Variants in ATP6V0A4 observed in about 807,000 individuals in gnomAD.
ATP6V0A4 encodes the protein ATPase H+ transporting V0 subunit a4.
Under a neutral mutation model 107.3 loss-of-function variants are expected in ATP6V0A4, and 86 were observed. The ratio of observed to expected loss-of-function variants is 0.80; its 90% confidence interval spans 0.67 to 0.96. ATP6V0A4 has a LOEUF of 0.96. Ranked by LOEUF, ATP6V0A4 falls within the 40% of genes least tolerant of loss-of-function variation. The pLI is 0.00. For synonymous variants in ATP6V0A4, 353 were observed against 381.4 expected (o/e 0.93, Z 0.87); for missense variants, 908 against 1,045.6 (o/e 0.87, Z 1.81).
In ATP6V0A4 at chr7:138,769,231, G is replaced by A; in HGVS notation, c.138C>T (p.Ser46=). ...QFKDLNMNVN[S]FQRKFVNEVR... Reference sequence around the variant, plus strand: ...CTTCATTCACAAATTTCCTTTGAAAGCTGTTCACATTCATATTTAACTATG... The same window carrying A: ...CTTCATTCACAAATTTCCTTTGAAAACTGTTCACATTCATATTTAACTATG... The change falls in exon 4 of 22, where the codon AGC becomes AGT. Residue 46 remains serine (S), a synonymous_variant. Transcript: ENST00000310018. The A allele has an allele frequency of 2.5e-6, 4 of 1,611,906 alleles. No homozygotes were observed. Among genetic ancestry groups the A allele is most frequent in the Non-Finnish European group, 2.5e-6 (3 of 1,179,876 alleles).
intron 20 of ATP6V0A4, among the ~76,000 whole-genome samples, chr7:138,713,208 G>C (rs2117186555): frequency 6.6e-6 from 1 of 150,678 alleles, no homozygotes; most frequent in Middle Eastern, 3.4e-3. Flanking sequence ...AGGAGGCTGA[G>C]GCAGAAGAAT....
intron 19 of ATP6V0A4, among the ~76,000 whole-genome samples, chr7:138,718,312 G>A (rs1804208498): frequency 1.1e-5 from 1 of 88,238 alleles, no homozygotes; most frequent in Non-Finnish European, 2.2e-5. Context: ...GTGTGTGTGT[G>A]TGTGTGTGCA....
chr7:138,794,659 T>TA lies in ATP6V0A4; in HGVS notation c.-121+3374dup, dbSNP rs919605980. Among the ~76,000 whole-genome samples the TA allele has an allele frequency of 1.6e-3, 230 of 144,294 alleles. 1 individual carries two copies. The highest frequency in any genetic ancestry group is 7.1e-3 in the Middle Eastern group (2 of 280). 94.7% of individuals were successfully genotyped at this position (144,294 alleles called of 152,430 possible). Reference sequence around the variant, plus strand: ...TAACCAAATACCTATCTCACCCATTTAAAAAAAAAAAAAGTCTTGAGAAAG... The same window carrying TA: ...TAACCAAATACCTATCTCACCCATTTAAAAAAAAAAAAAAGTCTTGAGAAAG... On this transcript the variant is annotated intron_variant, in intron 1 of 21. Coordinates refer to ENST00000310018, the MANE Select transcript of ATP6V0A4 (RefSeq NM_020632.3).
At chr7:138,790,260 T>C (rs1386157662) in intron 1 of ATP6V0A4, among the ~76,000 whole-genome samples, 2 of 152,164 alleles carry the variant, frequency 1.3e-5, no homozygotes, top group Non-Finnish European at 2.9e-5. Context: ...TCCCAAGTGA[T>C]TAAATGGTAC....
intron 1 of ATP6V0A4, among the ~76,000 whole-genome samples, chr7:138,794,818 C>T (rs1399405326): frequency 6.6e-6 from 1 of 151,960 alleles, no homozygotes; most frequent in South Asian, 2.1e-4. Flanking sequence ...TGGTGACACT[C>T]GTAAAGTAAA....
chr7:138,718,348 G>A (rs1382724968), intron 19 of ATP6V0A4, among the ~76,000 whole-genome samples: 3 of 101,880 alleles, frequency 2.9e-5, no homozygotes, highest in Non-Finnish European at 4.0e-5. Context: ...GGAGGGAGAC[G>A]TCCAGGAAGG....
At chr7:138,720,728 C>T (rs1804386392) in intron 19 of ATP6V0A4, among the ~76,000 whole-genome samples, 1 of 152,030 alleles carries the variant, frequency 6.6e-6, no homozygotes, top group African/African-American at 2.4e-5. Context: ...CCTCTGCCTC[C>T]CAGGTTCAAG....
intron 19 of ATP6V0A4, among the ~76,000 whole-genome samples, chr7:138,719,868 C>A (rs1014424379): frequency 6.6e-6 from 1 of 151,868 alleles, no homozygotes; most frequent in Non-Finnish European, 1.5e-5. Flanking sequence ...AAAATACACA[C>A]AAAAAAATTA....
chr7:138,756,099 C>T, intron 9 of ATP6V0A4: 1 of 519,980 alleles, frequency 1.9e-6, no homozygotes, highest in East Asian at 3.8e-5. Flanking sequence ...TTAATATCCT[C>T]TGCACTGAGT....
At chr7:138,784,269 T>TATATATACATATATATATAC (rs1563020963) in intron 2 of ATP6V0A4, among the ~76,000 whole-genome samples, 2 of 31,292 alleles carry the variant, frequency 6.4e-5, no homozygotes, top group African/African-American at 2.3e-4. Context: ...TATATATACA[T>TATATATACATATATATATAC]ATATATATAT....
intron 2 of ATP6V0A4, among the ~76,000 whole-genome samples, chr7:138,783,363 G>A (rs991773386): frequency 2.6e-5 from 4 of 151,944 alleles, no homozygotes; most frequent in African/African-American, 9.7e-5. Flanking sequence ...TTGAGGCCAG[G>A]AGATCAAGAC....
intron 20 of ATP6V0A4, among the ~76,000 whole-genome samples, chr7:138,711,282 C>G (rs1803730018): frequency 6.6e-6 from 1 of 152,158 alleles, no homozygotes; most frequent in South Asian, 2.1e-4. Context: ...GGACTCGTAG[C>G]TGAGCCCGTG....
chr7:138,722,188 G>T, intron 18 of ATP6V0A4, 163 bp from the exon 19 acceptor site: 2 of 704,340 alleles, frequency 2.8e-6, no homozygotes, highest in Non-Finnish European at 3.5e-6. Context: ...TTTTATATAA[G>T]CACAATTATC....
intron 14 of ATP6V0A4, among the ~76,000 whole-genome samples, chr7:138,742,952 C>T (rs1196947410): frequency 1.4e-5 from 2 of 143,948 alleles, no homozygotes; most frequent in African/African-American, 2.6e-5. Context: ...TTCCAGAAAA[C>T]GTTTTATCCT....
chr7:138,721,152 G>A (rs1804403323), intron 19 of ATP6V0A4, among the ~76,000 whole-genome samples: 1 of 152,134 alleles, frequency 6.6e-6, no homozygotes, highest in South Asian at 2.1e-4. Flanking sequence ...GGCTCCTGAG[G>A]GGCAGTGGCT....
chr7:138,721,893 A>T lies in ATP6V0A4; in HGVS notation c.2139+4T>A. ...TCTTCCTCAGGGGCTCTCGTCCCAG[A>T]TACCTCTTCTCCATGGTCGTCCAGA... On this transcript the variant is annotated splice_donor_region_variant and intron_variant, in intron 19 of 21. Coordinates refer to ENST00000310018, the MANE Select transcript of ATP6V0A4 (RefSeq NM_020632.3). 2 of 1,613,974 alleles carry T rather than the reference A, an allele frequency of 1.2e-6. No homozygotes were observed. The highest frequency in any genetic ancestry group is 1.7e-6 in the Non-Finnish European group (2 of 1,179,960).
rs948536556 is a variant in ATP6V0A4 at position 138,773,099 on chromosome 7, C to T, written c.-17-1835G>A. ...CTCCAGAGTAGATTTAATTTTATCA[C>T]GTACAGAGTATCTACTGTGTGCTCG... On this transcript the variant is annotated intron_variant, in intron 2 of 21. Coordinates refer to ENST00000310018, the MANE Select transcript of ATP6V0A4 (RefSeq NM_020632.3). This position sits in a 1 kb window ranked among gnomAD's most constrained non-coding sequence, Gnocchi z 5.4. Among the ~76,000 whole-genome samples, 1 of 152,154 alleles carries T rather than the reference C, an allele frequency of 6.6e-6. No homozygotes were observed. Among genetic ancestry groups the T allele is most frequent in the Admixed American group, 6.5e-5 (1 of 15,276 alleles).
At chr7:138,796,400 C>T (rs1007280429) in intron 1 of ATP6V0A4, among the ~76,000 whole-genome samples, 1 of 152,094 alleles carries the variant, frequency 6.6e-6, no homozygotes, top group African/African-American at 2.4e-5. Flanking sequence ...AAAAGTGCCT[C>T]CCCTGGGCTG....
intron 19 of ATP6V0A4, among the ~76,000 whole-genome samples, chr7:138,718,078 AGACGTCCAGGAAGGAATGGGGGGC>A: frequency 8.6e-6 from 1 of 116,520 alleles, no homozygotes; most frequent in East Asian, 3.1e-4. Flanking sequence ...CTGTGGAGGG[AGACGTCCAGGAAGGAATGGGGGGC>A]GGGGGTGCAG....
Sources: gnomAD v4.1 joint callset for allele counts (sites outside exome capture counted in the v4.1 genomes callset) on GRCh38, gnomAD v4.1.1 for gene constraint, Gnocchi (gnomAD v3.1) non-coding constraint, MANE v1.5 for transcripts, NCBI Gene and HGNC (gene_info 2026-07-23, HGNC 2026-07-21) for gene names.